UBAP2L: variants seen among roughly 807,000 people sequenced by gnomAD.
UBAP2L encodes ubiquitin-associated protein 2-like.
In UBAP2L, 12 loss-of-function variants were observed where a neutral mutation model predicts 130.6. The observed-to-expected ratio is 0.09, with a 90% CI of 0.06 to 0.15. The LOEUF (loss-of-function observed/expected upper bound fraction) is 0.15, where lower values mean the gene tolerates loss of function less well. Ranked by LOEUF, UBAP2L falls within the 10% of genes least tolerant of loss-of-function variation. UBAP2L has a pLI of 1.00. For synonymous variants in UBAP2L, 503 were observed against 524.7 expected, an observed-to-expected ratio of 0.96 and a Z score of 0.57; for missense variants, 965 against 1,332.5, an observed-to-expected ratio of 0.72 and a Z score of 4.29.
chr1:154,232,350 A>T (rs935743268), intron 4 of UBAP2L, among the ~76,000 whole-genome samples: 5 of 151,650 alleles, frequency 3.3e-5, no homozygotes, highest in African/African-American at 1.2e-4. Context: ...AAGAAATCTG[A>T]TAGTGTTGGT....
chr1:154,228,783 T>G, intron 4 of UBAP2L, 58 bp downstream of exon 4: 1 of 1,348,852 alleles, frequency 7.4e-7, no homozygotes, highest in Admixed American at 2.0e-5. Flanking sequence ...GCTAGTAATG[T>G]TCTAAAAGTA....
In UBAP2L at chr1:154,268,860, C is replaced by T. The variant is rs1463128772; in HGVS notation, c.3074C>T (p.Ala1025Val). ...GGCCCCATCAATCCGGCCACAGCTG[C>T]TGCCTACCCACCTGCCCCCTTTATG... ...SGGPINPATAAAYPPAPFMHI... is the reference protein window; with the variant it reads ...SGGPINPATAVAYPPAPFMHI... The change falls in exon 26 of 27, where the codon GCT (alanine) becomes GTT (valine). Residue 1025 changes from alanine (A) to valine (V), a missense_variant. Physicochemically the swap from Ala to Val is moderately conservative, Grantham distance 64. Coordinates refer to ENST00000428931, the MANE Select transcript of UBAP2L (RefSeq NM_014847.4). 6.2e-7 allele frequency: 1 copy of T among 1,614,150 alleles called. No individual in the cohort carries two copies. The highest frequency in any genetic ancestry group is 1.7e-5 in the Admixed American group (1 of 60,020).
chr1:154,270,529 C>G lies in UBAP2L; in HGVS notation c.*234C>G, dbSNP rs544160245. 1.4e-6 allele frequency: 2 copies of G among 1,441,320 alleles called. No homozygotes were observed. Among genetic ancestry groups the G allele is most frequent in the African/African-American group, 1.4e-5 (1 of 70,080 alleles). The allele number at this position is 1,441,320 out of a possible 1,614,324, so 89.3% of individuals were successfully genotyped here. ...TTTTTTCCCCCTTCCATTCCTTCTC[C>G]CCTCTTGCATTCAAGATTATGAAAC... On this transcript the variant is annotated 3_prime_UTR_variant, in exon 27 of 27. Transcript: ENST00000428931.
At chr1:154,268,277 C>T (rs974109544) in intron 25 of UBAP2L, among the ~76,000 whole-genome samples, 1 of 151,934 alleles carries the variant, frequency 6.6e-6, no homozygotes, top group Non-Finnish European at 1.5e-5. Flanking sequence ...CTGCAACCTC[C>T]ACCTCCCAGG....
rs148762085 is a variant in UBAP2L, at chr1:154,223,618, T to C, written c.-40-1466T>C. ...AATCCTTTCTAGCTTGAAATACTTA[T>C]GGGCTTTTGTGTGCCAATATGTGTA... On this transcript the variant is annotated intron_variant, in intron 1 of 26. Coordinates refer to ENST00000428931, the MANE Select transcript of UBAP2L (RefSeq NM_014847.4). 1.9e-3 allele frequency among the ~76,000 whole-genome samples: 292 copies of C among 152,258 alleles called. 3 individuals carry two copies. Among genetic ancestry groups the C allele is most frequent in the African/African-American group, 6.4e-3 (265 of 41,540 alleles).
chr1:154,246,247 G>A lies in UBAP2L; in HGVS notation c.886G>A (p.Glu296Lys). ...GCTGGGGAAGACACCATCTACAATGGAGAATGATTCATCTAATCTGGATCC... is the reference window on the plus strand; with the variant it reads ...GCTGGGGAAGACACCATCTACAATGAAGAATGATTCATCTAATCTGGATCC... ...VLLGKTPSTMENDSSNLDPSQ... is the reference protein window; with the variant it reads ...VLLGKTPSTMKNDSSNLDPSQ... Residue 296 changes from glutamate (E) to lysine (K), a missense_variant, in exon 11 of 27, where the codon GAG becomes AAG. Glu to Lys is a moderately conservative substitution (Grantham distance 56). Transcript: ENST00000428931. 1 of 1,613,542 alleles carries A rather than the reference G, an allele frequency of 6.2e-7. No individual in the cohort carries two copies.
Position 154,257,121 on chromosome 1 carries a change from C to T in UBAP2L, c.2216C>T (p.Thr739Ile). ...LHSSSSTFST[T>I]SSTVSAPPPV... ...TCTTCCTCCAGCACTTTTTCCACCACATCCAGCACAGTCTCTGCACCTCCC... is the reference window on the plus strand; with the variant it reads ...TCTTCCTCCAGCACTTTTTCCACCATATCCAGCACAGTCTCTGCACCTCCC... Residue 739 changes from threonine to isoleucine, a missense_variant, in exon 19 of 27, where the codon ACA becomes ATA. Around this residue, in one of 9 missense-constraint regions of UBAP2L, gnomAD observed 393 missense variants for 408.1 expected, o/e 0.96. Transcript: ENST00000428931. 3 of 1,614,214 alleles carry T rather than the reference C, an allele frequency of 1.9e-6. No homozygotes were observed. Among genetic ancestry groups the T allele is most frequent in the Non-Finnish European group, 2.5e-6 (3 of 1,180,050 alleles).
upstream of UBAP2L, chr1:154,220,211 C>T (rs539363198): frequency 1.7e-6 from 2 of 1,153,282 alleles, no homozygotes; most frequent in African/African-American, 1.5e-5. Flanking sequence ...CCACCTACTC[C>T]TGGAATAAGG....
chr1:154,266,860 CCAA>C (rs1305812680), intron 25 of UBAP2L, among the ~76,000 whole-genome samples: 3 of 152,060 alleles, frequency 2.0e-5, no homozygotes, highest in Non-Finnish European at 4.4e-5. Context: ...CTACCTACTC[CCAA>C]CCTTTTTCAT....
chr1:154,224,775 T>C (rs1667408505), intron 1 of UBAP2L, among the ~76,000 whole-genome samples: 1 of 152,254 alleles, frequency 6.6e-6, no homozygotes, highest in African/African-American at 2.4e-5. Context: ...CTTGCATCTA[T>C]GTAAAAGGCT....
chr1:154,241,623 G>T, intron 9 of UBAP2L, 58 bp downstream of exon 9: 1 of 1,605,008 alleles, frequency 6.2e-7, no homozygotes, highest in Non-Finnish European at 8.5e-7. Flanking sequence ...GTTGTTTAGG[G>T]ATAGAAAATG....
intron 1 of UBAP2L, among the ~76,000 whole-genome samples, chr1:154,223,005 C>T (rs1485814549): frequency 6.6e-6 from 1 of 152,198 alleles, no homozygotes. Context: ...CAAGATTCTT[C>T]ATCTCCAGTG....
chr1:154,262,209 G>A (rs182484193), intron 24 of UBAP2L, among the ~76,000 whole-genome samples: 7 of 152,312 alleles, frequency 4.6e-5, no homozygotes, highest in South Asian at 2.1e-4. Flanking sequence ...AGGAGTAGGC[G>A]TGACCATACT....
chr1:154,243,475 T>G (rs1361825461), intron 10 of UBAP2L, among the ~76,000 whole-genome samples, 173 bp downstream of exon 10: 1 of 152,204 alleles, frequency 6.6e-6, no homozygotes, highest in South Asian at 2.1e-4. Flanking sequence ...TTTTTTTTGT[T>G]TTTGAGACAG....
rs370017648 is a variant in UBAP2L at position 154,270,770 on chromosome 1, G to GTTTT, written c.*488_*491dup. 2,067 of 918,896 alleles carry GTTTT rather than the reference G, an allele frequency of 2.2e-3. 16 individuals carry two copies. The highest frequency in any genetic ancestry group is 2.7e-3 in the South Asian group (91 of 34,240). The allele number at this position is 918,896 out of a possible 1,614,324, so 56.9% of individuals were successfully genotyped here. ...AATTAGTTGAAGTGGTTTTTTTTTTGTTTTTTTTTTTTTTTTGTACTGTGT... is the reference window on the plus strand; with the variant it reads ...AATTAGTTGAAGTGGTTTTTTTTTTGTTTTTTTTTTTTTTTTTTTTGTACTGTGT... On this transcript the variant is annotated 3_prime_UTR_variant, in exon 27 of 27. Coordinates refer to ENST00000428931, the MANE Select transcript of UBAP2L (RefSeq NM_014847.4).
At chr1:154,266,423 C>T (rs1385749184) in intron 24 of UBAP2L, 78 bp from the exon 25 acceptor site, 10 of 1,461,858 alleles carry the variant, frequency 6.8e-6, no homozygotes, top group Middle Eastern at 1.7e-4. Flanking sequence ...AGAAAGGCTA[C>T]AGATATCACC....
intron 4 of UBAP2L, among the ~76,000 whole-genome samples, chr1:154,229,538 G>A (rs1669116908): frequency 6.6e-6 from 1 of 152,022 alleles, no homozygotes; most frequent in African/African-American, 2.4e-5. Context: ...ACACTGACAT[G>A]CTGCAACCTC....
In UBAP2L at chr1:154,266,672, G is replaced by A. The variant is rs571807183; in HGVS notation, c.2970+104G>A. On this transcript the variant is annotated intron_variant, in intron 25 of 26. Coordinates refer to ENST00000428931, the MANE Select transcript of UBAP2L (RefSeq NM_014847.4). ...GGACAAGAAGAACCCTAGGAGAGGTGGCAGGAAACCCATCCTACTTTTTCT... is the reference window on the plus strand; with the variant it reads ...GGACAAGAAGAACCCTAGGAGAGGTAGCAGGAAACCCATCCTACTTTTTCT... 4.1e-6 allele frequency: 5 copies of A among 1,206,506 alleles called. No individual in the cohort carries two copies. The East Asian group carries it at 1.2e-4, about 28-fold the overall frequency. 74.7% of individuals were successfully genotyped at this position (1,206,506 alleles called of 1,614,324 possible). A position where few individuals can be genotyped will look rare whatever the true frequency, so the allele number is the denominator to read the frequency against.
intron 21 of UBAP2L, 124 bp downstream of exon 21, chr1:154,259,154 T>G: frequency 1.2e-6 from 1 of 836,092 alleles, no homozygotes; most frequent in Non-Finnish European, 1.9e-6. Flanking sequence ...ATTTAAGGCA[T>G]ATTAGAATAT....
Sources: allele counts gnomAD v4.1 joint callset (sites outside exome capture counted in the v4.1 genomes callset), GRCh38; gene constraint gnomAD v4.1.1; regional missense constraint gnomAD v4.1.1; transcripts MANE v1.5; gene names NCBI Gene and HGNC (gene_info 2026-07-23, HGNC 2026-07-21).